Variants in WDR88 observed in about 807,000 individuals in gnomAD.
The protein encoded by WDR88 is WD repeat-containing protein 88.
Under a neutral mutation model 46.8 loss-of-function variants are expected in WDR88, and 40 were observed. The observed-to-expected ratio is 0.86, with a 90% confidence interval of 0.66 to 1.11. The LOEUF (loss-of-function observed/expected upper bound fraction) is 1.11. Among genes scored for constraint, WDR88 ranks in the 50% most tolerant of loss-of-function variants. The probability of loss-of-function intolerance (pLI) is 0.00; values close to 1 mark genes in which losing one functional copy is unlikely to be tolerated. For synonymous variants in WDR88, 235 were observed against 240.7 expected (o/e 0.98, Z 0.22); for missense variants, 562 against 602.4 (o/e 0.93, Z 0.70).
At chr19:33,146,468 C>CTTCT (rs1555724921) in intron 3 of WDR88, among the ~76,000 whole-genome samples, 81 of 4,460 alleles carry the variant, frequency 0.018, no homozygotes, top group African/African-American at 0.028. Flanking sequence ...TCCTTCTTTC[C>CTTCT]TTCCTTCCTT....
At chr19:33,139,529 C>G (rs897427708) in intron 2 of WDR88, among the ~76,000 whole-genome samples, 1 of 152,142 alleles carries the variant, frequency 6.6e-6, no homozygotes, top group Non-Finnish European at 1.5e-5. Context: ...GATAGCCCCT[C>G]ACCCTACAGA....
chr19:33,150,398 G>A (rs1354597026), intron 5 of WDR88, among the ~76,000 whole-genome samples: 2 of 152,218 alleles, frequency 1.3e-5, no homozygotes, highest in Non-Finnish European at 2.9e-5. Context: ...GCAGTGAGCC[G>A]AAATCGCGCC....
intron 10 of WDR88, among the ~76,000 whole-genome samples, chr19:33,172,967 C>G (rs185498815): frequency 5.3e-5 from 8 of 151,856 alleles, no homozygotes; most frequent in African/African-American, 1.7e-4. Context: ...TGGTGCACAC[C>G]TGTACTACCA....
intron 7 of WDR88, among the ~76,000 whole-genome samples, chr19:33,157,555 A>G (rs921829789): frequency 1.7e-4 from 22 of 128,862 alleles, no homozygotes; most frequent in Non-Finnish European, 2.6e-4. Context: ...ATATATGTGT[A>G]TATATATATG....
intron 2 of WDR88, 53 bp from the exon 3 acceptor site, chr19:33,144,791 C>G: frequency 6.4e-7 from 1 of 1,553,276 alleles, no homozygotes; most frequent in African/African-American, 1.4e-5. Flanking sequence ...TTTACGACTT[C>G]AGCAAACACG....
rs148592783 is a variant in WDR88, at chr19:33,155,311, T to A, written c.810-1044T>A. Among the ~76,000 whole-genome samples, 422 of 152,274 alleles carry A rather than the reference T, an allele frequency of 2.8e-3. 2 individuals carry two copies. Among genetic ancestry groups the A allele is most frequent in the African/African-American group, 9.6e-3 (399 of 41,544 alleles). ...ATGTGCCACCATGCCCAGCTAATTT[T>A]TATATTTTTTGTAGAGATGGGGTCT... On this transcript the variant is annotated intron_variant, in intron 6 of 10. Coordinates refer to ENST00000355868, the MANE Select transcript of WDR88 (RefSeq NM_173479.4).
chr19:33,137,521 G>A (rs921705964), intron 1 of WDR88, among the ~76,000 whole-genome samples, 156 bp from the exon 2 acceptor site: 5 of 152,092 alleles, frequency 3.3e-5, no homozygotes, highest in African/African-American at 1.2e-4. Context: ...CCAAAGTGCT[G>A]GGATTACAGA....
At chr19:33,150,834 G>T (rs1973618923) in intron 5 of WDR88, among the ~76,000 whole-genome samples, 2 of 152,162 alleles carry the variant, frequency 1.3e-5, no homozygotes, top group South Asian at 2.1e-4. Context: ...TCCCTTGCTG[G>T]CTTTTCGGGC....
intron 1 of WDR88, among the ~76,000 whole-genome samples, chr19:33,136,973 C>T (rs1973279535): frequency 6.6e-6 from 1 of 152,086 alleles, no homozygotes. Flanking sequence ...CTCTGTCACC[C>T]AGGCTGGAGT....
Position 33,141,239 on chromosome 19 carries a change from TTC to T in WDR88, c.387+3454_387+3455del, listed in dbSNP as rs1491328479. Among the ~76,000 whole-genome samples the T allele has an allele frequency of 4.2e-4, 60 of 143,604 alleles. 7 individuals are homozygous for T. Among genetic ancestry groups the T allele is most frequent in the African/African-American group, 1.5e-3 (53 of 35,888 alleles). 94.2% of individuals were successfully genotyped at this position (143,604 alleles called of 152,430 possible). The stretch of plus-strand genomic sequence containing the variant: ...GGTGTGGGAGCATGTTTTTTTTTTT[TTC>T]TTTTTTGACACAGGATCTCACTCTG... On this transcript the variant is annotated intron_variant, in intron 2 of 10. Transcript: ENST00000355868.
intron 10 of WDR88, among the ~76,000 whole-genome samples, chr19:33,173,232 A>T (rs2145428849): frequency 6.6e-6 from 1 of 151,736 alleles, no homozygotes; most frequent in African/African-American, 2.4e-5. Context: ...AGGGGATGAG[A>T]CCTGCAGGAG....
At position 33,147,696 on chromosome 19, in the gene WDR88, A is replaced by G. The variant is rs1243740517; in HGVS notation, c.528A>G (p.Thr176=). The change falls in exon 4 of 11, where the codon ACA becomes ACG. Residue 176 remains threonine (T), a synonymous_variant. Coordinates refer to ENST00000355868, the MANE Select transcript of WDR88 (RefSeq NM_173479.4). ...CAGTGAGGGCCTGGGACCTGGAGAC[A>G]GGCAAGCTGCTGGTACGTATGCCTG... ...DKTVRAWDLE[T]GKLLWKVRYD... 4.3e-6 allele frequency: 7 copies of G among 1,613,874 alleles called. No individual in the cohort carries two copies. Among genetic ancestry groups the G allele is most frequent in the African/African-American group, 2.7e-5 (2 of 74,930 alleles).
At chr19:33,165,431 A>C (rs1568370583) in intron 9 of WDR88, among the ~76,000 whole-genome samples, 1 of 151,996 alleles carries the variant, frequency 6.6e-6, no homozygotes. Flanking sequence ...TACTACTTTA[A>C]TATAAAAATA....
At chr19:33,168,030 T>TTCTC (rs1973982303) in intron 9 of WDR88, among the ~76,000 whole-genome samples, 1 of 142,556 alleles carries the variant, frequency 7.0e-6, no homozygotes, top group Non-Finnish European at 1.5e-5. Context: ...AATGATTTCT[T>TTCTC]TCTTTTTTTT....
At chr19:33,145,633 C>T (rs1383274814) in intron 3 of WDR88, among the ~76,000 whole-genome samples, 4 of 150,514 alleles carry the variant, frequency 2.7e-5, no homozygotes, top group Non-Finnish European at 4.4e-5. Context: ...CTCCTGGGTT[C>T]GAGTGATTCT....
chr19:33,156,167 G>A (rs1973730000), intron 6 of WDR88, among the ~76,000 whole-genome samples, 188 bp from the exon 7 acceptor site: 1 of 152,238 alleles, frequency 6.6e-6, no homozygotes, highest in South Asian at 2.1e-4. Context: ...TCAAAGGCAT[G>A]ATGAACATGA....
chr19:33,137,818 G>A (rs1973306390), intron 2 of WDR88, 31 bp downstream of exon 2: 6 of 1,594,250 alleles, frequency 3.8e-6, no homozygotes, highest in South Asian at 1.1e-5. Flanking sequence ...TACTCCTGGA[G>A]CGAAAACCTT....
At chr19:33,174,053 T>C (rs1974084425) in intron 10 of WDR88, 6 of 908,212 alleles carry the variant, frequency 6.6e-6, no homozygotes, top group Non-Finnish European at 8.3e-6. Context: ...GGTTTCACCA[T>C]GTTGGCCAGG....
chr19:33,135,532 T>A (rs1390669328), intron 1 of WDR88, among the ~76,000 whole-genome samples: 1 of 149,942 alleles, frequency 6.7e-6, no homozygotes, highest in African/African-American at 2.5e-5. Flanking sequence ...GATTCTCCAG[T>A]CTCAGTCTCC....
Sources: gnomAD v4.1 joint callset for allele counts (sites outside exome capture counted in the v4.1 genomes callset) on GRCh38, gnomAD v4.1.1 for gene constraint, MANE v1.5 for transcripts, NCBI Gene and HGNC (gene_info 2026-07-23, HGNC 2026-07-21) for gene names.